Variants in FNDC3A observed in about 807,000 individuals in gnomAD.
The protein encoded by FNDC3A is fibronectin type III domain containing 3A.
A neutral mutation model predicts 148.9 loss-of-function variants in FNDC3A; 32 were observed. The ratio of observed to expected loss-of-function variants is 0.21; its 90% confidence interval spans 0.16 to 0.29. The LOEUF is 0.29. FNDC3A is among the 10% of genes least tolerant of loss of function. The probability of loss-of-function intolerance (pLI) is 1.00; values close to 1 mark genes in which losing one functional copy is unlikely to be tolerated. For missense variants in FNDC3A, 1,191 were observed against 1,452.8 expected, an observed-to-expected ratio of 0.82 and a Z score of 2.93; for synonymous variants, 472 against 473.6, an observed-to-expected ratio of 1.00 and a Z score of 0.04.
At position 49,172,161 on chromosome 13, in the gene FNDC3A, TTTTG is replaced by T. The variant is rs1884787715; in HGVS notation, c.1230+73_1230+76del. On this transcript the variant is annotated intron_variant, in intron 11 of 25. Transcript: ENST00000492622. ...GCATATGTTCAGGCAAAATTAACTT[TTTTG>T]TTTGTTTTAATCATCAAGTATATTC... is the stretch of plus-strand genomic sequence containing the variant. 1.2e-5 allele frequency: 12 copies of T among 1,016,248 alleles called. No individual in the cohort carries two copies. The Admixed American group carries it at 2.4e-4, about 20-fold the overall frequency. The allele number at this position is 1,016,248 out of a possible 1,614,324, so 63.0% of individuals were successfully genotyped here. A position where few individuals can be genotyped will look rare whatever the true frequency, so the allele number is the denominator to read the frequency against.
chr13:49,181,330 G>T (rs543498605), intron 14 of FNDC3A, among the ~76,000 whole-genome samples: 1 of 152,242 alleles, frequency 6.6e-6, no homozygotes, highest in Non-Finnish European at 1.5e-5. Flanking sequence ...TCTCAAAGTA[G>T]TCAGCAGGCC....
chr13:49,086,695 C>T (rs1011135744), intron 3 of FNDC3A, among the ~76,000 whole-genome samples: 3 of 152,122 alleles, frequency 2.0e-5, no homozygotes, highest in Non-Finnish European at 4.4e-5. Context: ...GTTCTTTATA[C>T]ATTACTTAAA....
chr13:49,198,139 A>G lies in FNDC3A; in HGVS notation c.2648A>G (p.Glu883Gly). ...SPSTCLAISW[E>G]KPCDHGSEIL... is the part of the protein sequence containing the mutation. ...TCTACATGCCTTGCAATAAGCTGGG[A>G]AAAGCCTTGTGATCATGGTTCGGAA... Residue 883 changes from glutamate to glycine, a missense_variant, in exon 22 of 26, where the codon GAA becomes GGA. This residue lies in a region of FNDC3A where 751 missense variants were observed against 944.0 expected (regional missense o/e 0.80). Transcript: ENST00000492622. 2 of 1,614,200 alleles carry G rather than the reference A, an allele frequency of 1.2e-6. No individual in the cohort carries two copies. Among genetic ancestry groups the G allele is most frequent in the East Asian group, 2.2e-5 (1 of 44,882 alleles).
intron 2 of FNDC3A, among the ~76,000 whole-genome samples, chr13:49,032,963 A>G (rs963419677): frequency 2.6e-5 from 4 of 152,166 alleles, no homozygotes; most frequent in Non-Finnish European, 4.4e-5. Flanking sequence ...ACAATCCAGA[A>G]ATAAGTTATT....
intron 2 of FNDC3A, among the ~76,000 whole-genome samples, chr13:49,025,413 T>C (rs1242639894): frequency 6.6e-6 from 1 of 152,082 alleles, no homozygotes; most frequent in Non-Finnish European, 1.5e-5. Flanking sequence ...AGTAATTCTT[T>C]AGAATGTCTG....
chr13:49,011,434 A>T (rs1952342781), intron 2 of FNDC3A, among the ~76,000 whole-genome samples: 1 of 152,088 alleles, frequency 6.6e-6, no homozygotes, highest in Admixed American at 6.6e-5. Context: ...GGGTTTTGCC[A>T]TGTTGGCCAA....
intron 8 of FNDC3A, among the ~76,000 whole-genome samples, chr13:49,161,230 T>C (rs978639631): frequency 1.3e-5 from 2 of 152,210 alleles, no homozygotes; most frequent in African/African-American, 4.8e-5. Context: ...TGTTAAAGTC[T>C]CCCATTATTA....
chr13:49,107,812 G>A (rs1422772954), intron 3 of FNDC3A, among the ~76,000 whole-genome samples: 1 of 152,206 alleles, frequency 6.6e-6, no homozygotes, highest in Non-Finnish European at 1.5e-5. Context: ...CCTGAGCAGT[G>A]CTGACAGCTG....
intron 2 of FNDC3A, among the ~76,000 whole-genome samples, chr13:49,075,014 C>T (rs1329157190): frequency 6.6e-6 from 1 of 152,128 alleles, no homozygotes; most frequent in African/African-American, 2.4e-5. Context: ...TGGTTTGACT[C>T]CATCTTTGTT....
chr13:48,986,642 C>T (rs1026951597), intron 1 of FNDC3A, among the ~76,000 whole-genome samples: 4 of 151,922 alleles, frequency 2.6e-5, no homozygotes, highest in Admixed American at 6.6e-5. Context: ...ATGATCCGCC[C>T]ACCTCAGTCT....
At chr13:49,131,756 G>GA (rs1290204039) in intron 5 of FNDC3A, among the ~76,000 whole-genome samples, 2 of 152,108 alleles carry the variant, frequency 1.3e-5, no homozygotes, top group African/African-American at 4.8e-5. Flanking sequence ...GTGAGGGATT[G>GA]AAAAAACAGG....
chr13:49,016,908 G>A (rs1409361123), intron 2 of FNDC3A, among the ~76,000 whole-genome samples: 7 of 150,626 alleles, frequency 4.6e-5, no homozygotes, highest in South Asian at 2.1e-4. Flanking sequence ...GTAGTTGAGC[G>A]GTTTTGAGTG....
At position 49,161,274 on chromosome 13, in the gene FNDC3A, T is replaced by C. The variant is rs565359240; in HGVS notation, c.978-5970T>C. 8.5e-5 allele frequency among the ~76,000 whole-genome samples: 13 copies of C among 152,350 alleles called. No homozygotes were observed. The South Asian group carries it at 2.7e-3, about 32-fold the overall frequency. On this transcript the variant is annotated intron_variant, in intron 8 of 25. Coordinates refer to ENST00000492622, the MANE Select transcript of FNDC3A (RefSeq NM_001079673.2). ...GAGTCTAAGTCTCTTTGTAGGTCTC[T>C]AAGGACTTGCTTTATGAATCTGGGT...
intron 2 of FNDC3A, among the ~76,000 whole-genome samples, chr13:49,066,695 C>T (rs1333978526): frequency 6.8e-6 from 1 of 147,194 alleles, no homozygotes; most frequent in East Asian, 2.0e-4. Context: ...TAACAACATT[C>T]TTTTTTTTTT....
At chr13:48,986,392 T>TTTTTTTG (rs1951798270) in intron 1 of FNDC3A, among the ~76,000 whole-genome samples, 2 of 107,292 alleles carry the variant, frequency 1.9e-5, no homozygotes, top group Non-Finnish European at 3.9e-5. Context: ...GTTGTTTTTT[T>TTTTTTTG]TTTTTTTTTT....
chr13:48,976,537 G>A (rs1302616189), intron 1 of FNDC3A: 1 of 152,392 alleles, frequency 6.6e-6, no homozygotes, highest in African/African-American at 2.4e-5. Flanking sequence ...CCTTCTCTCT[G>A]TCCCCCGCCT....
chr13:49,149,900 T>A (rs1883192049), intron 8 of FNDC3A, among the ~76,000 whole-genome samples: 1 of 152,244 alleles, frequency 6.6e-6, no homozygotes, highest in Non-Finnish European at 1.5e-5. Context: ...TATTTCTCGC[T>A]GATTGAATCT....
chr13:48,997,104 A>G (rs1952038382), intron 1 of FNDC3A, among the ~76,000 whole-genome samples: 1 of 152,094 alleles, frequency 6.6e-6, no homozygotes, highest in Non-Finnish European at 1.5e-5. Flanking sequence ...CTCAATCTAA[A>G]TGTACATATT....
chr13:49,110,366 T>A, intron 3 of FNDC3A: 4 of 1,612,526 alleles, frequency 2.5e-6, no homozygotes, highest in Non-Finnish European at 2.5e-6. Flanking sequence ...CCTTGTTGGA[T>A]TTTCTTGTTC....
Sources: gnomAD v4.1 joint callset for allele counts (sites outside exome capture counted in the v4.1 genomes callset) on GRCh38, gnomAD v4.1.1 for gene constraint, gnomAD v4.1.1 regional missense constraint, MANE v1.5 for transcripts, NCBI Gene and HGNC (gene_info 2026-07-23, HGNC 2026-07-21) for gene names.